SSX2IP: variants seen among roughly 807,000 people sequenced by gnomAD.
The protein encoded by SSX2IP is afadin- and alpha-actinin-binding protein.
Under a neutral mutation model 84.9 loss-of-function variants are expected in SSX2IP, and 55 were observed. The ratio of observed to expected loss-of-function variants is 0.65; its 90% CI spans 0.52 to 0.81. The LOEUF (loss-of-function observed/expected upper bound fraction) is 0.81. Ranked by LOEUF, SSX2IP falls within the 30% of genes least tolerant of loss-of-function variation. SSX2IP has a pLI of 0.00. For missense variants in SSX2IP, 664 were observed against 705.2 expected, an observed-to-expected ratio of 0.94 and a Z score of 0.66; for synonymous variants, 239 against 234.7, an observed-to-expected ratio of 1.02 and a Z score of -0.17.
chr1:84,651,684 C>T (rs1650269807), intron 12 of SSX2IP, among the ~76,000 whole-genome samples, 199 bp downstream of exon 12: 1 of 152,102 alleles, frequency 6.6e-6, no homozygotes, highest in East Asian at 1.9e-4. Flanking sequence ...GCCAAGGTCA[C>T]GTCACTGCAC....
intron 13 of SSX2IP, chr1:84,649,875 G>A (rs74098421): frequency 9.0e-4 from 461 of 511,354 alleles, no homozygotes; most frequent in African/African-American, 6.3e-3. Context: ...GGAGAGCCAT[G>A]TTTTTTTACA....
In SSX2IP at chr1:84,662,203, C is replaced by T. The variant is rs940009688; in HGVS notation, c.922G>A (p.Gly308Arg). The change falls in exon 8 of 14, where the codon GGA becomes AGA. Residue 308 changes from glycine to arginine, a missense_variant. Transcript: ENST00000342203. The stretch of plus-strand genomic sequence containing the variant: ...GAGAGGAAAGAGCCACTTACAGTTC[C>T]TGTACTATCATCTACTCTTTCTCTA... ...KPRERVDDSTGTVISDVEEDA... is the reference protein window; with the variant it reads ...KPRERVDDSTRTVISDVEEDA... 1.3e-6 allele frequency: 2 copies of T among 1,577,530 alleles called. No homozygotes were observed. Among genetic ancestry groups the T allele is most frequent in the Non-Finnish European group, 1.7e-6 (2 of 1,166,234 alleles).
In SSX2IP at chr1:84,645,851, GTGAC is replaced by G. The variant is rs1649407843; in HGVS notation, c.*1578_*1581del. On this transcript the variant is annotated 3_prime_UTR_variant, in exon 14 of 14. Coordinates refer to ENST00000342203, the MANE Select transcript of SSX2IP (RefSeq NM_001166293.2). Reference sequence around the variant, plus strand: ...GTGACCATGCATCAAGCTGAAGGTAGTGACTAATGCTCAAGAGCTAGCTCTTTAA... The same window carrying G: ...GTGACCATGCATCAAGCTGAAGGTAGTAATGCTCAAGAGCTAGCTCTTTAA... The G allele has an allele frequency of 6.6e-6, 1 of 152,172 alleles. No homozygotes were observed. Among genetic ancestry groups the G allele is most frequent in the Non-Finnish European group, 1.5e-5 (1 of 68,036 alleles). 9.4% of individuals were successfully genotyped at this position (152,172 alleles called of 1,614,324 possible). A position where few individuals can be genotyped will look rare whatever the true frequency, so the allele number is the denominator to read the frequency against.
At position 84,684,910 on chromosome 1, in the gene SSX2IP, G is replaced by A. The variant is rs148078814; in HGVS notation, c.-90+5461C>T. ...ATGCAATAAAACTATAAAAGACACC[G>A]AGAGAATGATGAATATAGGATTCAG... is the stretch of plus-strand genomic sequence containing the variant. On this transcript the variant is annotated intron_variant, in intron 1 of 13. Coordinates refer to ENST00000342203, the MANE Select transcript of SSX2IP (RefSeq NM_001166293.2). Among the ~76,000 whole-genome samples the A allele has an allele frequency of 1.4e-3, 219 of 151,992 alleles. 1 individual carries two copies. The highest frequency in any genetic ancestry group is 8.5e-4 in the Admixed American group (13 of 15,284).
intron 13 of SSX2IP, chr1:84,649,978 A>C (rs757620053): frequency 1.7e-6 from 1 of 591,732 alleles, no homozygotes. Context: ...GGCATGCCGG[A>C]AAAAAGTGTT....
At position 84,655,776 on chromosome 1, in the gene SSX2IP, T is replaced by C. The variant is rs539613692; in HGVS notation, c.1389+56A>G. 2.2e-5 allele frequency: 35 copies of C among 1,571,788 alleles called. No homozygotes were observed. The South Asian group carries it at 3.1e-4, about 14-fold the overall frequency. ...AAAAAAGGAGACCTTAGAAGCATTC[T>C]ACTGAGGCCCACCCACCCCCAGTAT... On this transcript the variant is annotated intron_variant, in intron 11 of 13. Coordinates refer to ENST00000342203, the MANE Select transcript of SSX2IP (RefSeq NM_001166293.2).
At chr1:84,656,074 C>G (rs1651057050) in intron 10 of SSX2IP, 69 bp from the exon 11 acceptor site, 1 of 1,373,768 alleles carries the variant, frequency 7.3e-7, no homozygotes, top group Non-Finnish European at 1.0e-6. Flanking sequence ...GAAATGAAAG[C>G]AAGGGAAGGC....
chr1:84,654,882 AAGT>A (rs1450284921), intron 11 of SSX2IP, among the ~76,000 whole-genome samples: 1 of 152,200 alleles, frequency 6.6e-6, no homozygotes, highest in Non-Finnish European at 1.5e-5. Flanking sequence ...AAAAATTGCA[AAGT>A]AGTACAGCAA....
intron 1 of SSX2IP, among the ~76,000 whole-genome samples, chr1:84,671,749 C>T (rs1319917069): frequency 6.6e-6 from 1 of 152,082 alleles, no homozygotes; most frequent in Non-Finnish European, 1.5e-5. Flanking sequence ...CCAGTGTTGG[C>T]AAAGATGTAG....
chr1:84,675,978 A>G (rs1654271554), intron 1 of SSX2IP, among the ~76,000 whole-genome samples: 1 of 152,164 alleles, frequency 6.6e-6, no homozygotes, highest in South Asian at 2.1e-4. Flanking sequence ...AAAATGTATA[A>G]AACCAAGCTG....
intron 11 of SSX2IP, 36 bp from the exon 12 acceptor site, chr1:84,652,033 T>C: frequency 6.7e-7 from 1 of 1,484,398 alleles, no homozygotes; most frequent in South Asian, 1.1e-5. Flanking sequence ...TGATCAATAT[T>C]TCAACATCCA....
intron 8 of SSX2IP, among the ~76,000 whole-genome samples, chr1:84,660,052 A>G (rs1651714815): frequency 6.6e-6 from 1 of 152,114 alleles, no homozygotes; most frequent in Non-Finnish European, 1.5e-5. Flanking sequence ...TTTTCGGTAT[A>G]TGTTTTACAA....
At position 84,651,868 on chromosome 1, in the gene SSX2IP, T is replaced by A. The variant is rs1341117555; in HGVS notation, c.1504+15A>T. 13 of 1,518,450 alleles carry A rather than the reference T, an allele frequency of 8.6e-6. No homozygotes were observed. The highest frequency in any genetic ancestry group is 1.2e-5 in the Non-Finnish European group (13 of 1,096,474). The allele number at this position is 1,518,450 out of a possible 1,614,324, so 94.1% of individuals were successfully genotyped here. A position where few individuals can be genotyped will look rare whatever the true frequency, so the allele number is the denominator to read the frequency against. ...TATATGCATGTTCAAATTAAAGAGT[T>A]TATAAAGTACTCACTTCCTGAGAAG... On this transcript the variant is annotated intron_variant, in intron 12 of 13. Coordinates refer to ENST00000342203, the MANE Select transcript of SSX2IP (RefSeq NM_001166293.2).
chr1:84,661,334 T>C (rs1384409750), intron 8 of SSX2IP, among the ~76,000 whole-genome samples: 2 of 152,078 alleles, frequency 1.3e-5, no homozygotes, highest in African/African-American at 4.8e-5. Context: ...TTAAGTAAAA[T>C]GAACTTTTCA....
rs895847542 is a variant in SSX2IP, at chr1:84,655,632, T to C, written c.1389+200A>G. Reference sequence around the variant, plus strand: ...GCTTATAGCGTTTTTTTTTCTTAAGTTCAATTCTCAAATCTGGTAAGGGGA... The same window carrying C: ...GCTTATAGCGTTTTTTTTTCTTAAGCTCAATTCTCAAATCTGGTAAGGGGA... On this transcript the variant is annotated intron_variant, in intron 11 of 13. Transcript: ENST00000342203. 14 of 1,512,068 alleles carry C rather than the reference T, an allele frequency of 9.3e-6. No homozygotes were observed. The African/African-American group carries it at 1.7e-4, about 18-fold the overall frequency. The allele number at this position is 1,512,068 out of a possible 1,614,324, so 93.7% of individuals were successfully genotyped here. A position where few individuals can be genotyped will look rare whatever the true frequency, so the allele number is the denominator to read the frequency against.
intron 8 of SSX2IP, among the ~76,000 whole-genome samples, chr1:84,661,570 T>C (rs1223446075): frequency 6.6e-6 from 1 of 152,216 alleles, no homozygotes; most frequent in Non-Finnish European, 1.5e-5. Flanking sequence ...CACGTCTGTC[T>C]TTCCCAAAAA....
In SSX2IP at chr1:84,656,360, T is replaced by C. The variant is rs1458051467; in HGVS notation, c.1203A>G (p.Gln401=). The C allele has an allele frequency of 1.2e-6, 2 of 1,610,906 alleles. No individual in the cohort carries two copies. Among genetic ancestry groups the C allele is most frequent in the African/African-American group, 2.7e-5 (2 of 74,844 alleles). The stretch of plus-strand genomic sequence containing the variant: ...AATTCATATTCACCTGTAAAAGCTG[T>C]TGCTGAGTTTTAATCATTTCTTTAC... The part of the protein sequence containing the change: ...QQCKEMIKTQ[Q]QLLQQQLATA... The change falls in exon 10 of 14, where the codon CAA becomes CAG. Residue 401 remains glutamine (Q), a synonymous_variant. Coordinates refer to ENST00000342203, the MANE Select transcript of SSX2IP (RefSeq NM_001166293.2).
intron 8 of SSX2IP, among the ~76,000 whole-genome samples, chr1:84,660,017 AAAC>A (rs1651707592): frequency 6.6e-6 from 1 of 152,048 alleles, no homozygotes; most frequent in Admixed American, 6.6e-5. Context: ...CCAAAAAACA[AAAC>A]AACAAACTCA....
intron 9 of SSX2IP, among the ~76,000 whole-genome samples, chr1:84,657,648 T>C (rs1651317335): frequency 1.3e-5 from 2 of 152,148 alleles, no homozygotes; most frequent in Admixed American, 1.3e-4. Flanking sequence ...ATTTCTGAGA[T>C]TTTGGTGCAC....
Sources: gnomAD v4.1 joint callset for allele counts (sites outside exome capture counted in the v4.1 genomes callset) on GRCh38, gnomAD v4.1.1 for gene constraint, MANE v1.5 for transcripts, NCBI Gene and HGNC (gene_info 2026-07-23, HGNC 2026-07-21) for gene names.